The following CA10 variants were observed in gnomAD, a reference collection of about 807,000 sequenced individuals.
The protein encoded by CA10 is carbonic anhydrase-related protein 10.
In CA10, 14 loss-of-function variants were observed where a neutral mutation model predicts 44.2. That is an observed-to-expected ratio of 0.32 (90% CI 0.21 to 0.50). The LOEUF is 0.50. CA10 is among the 20% of genes least tolerant of loss of function. The probability of loss-of-function intolerance (pLI) is 0.99; values close to 1 mark genes in which losing one functional copy is unlikely to be tolerated. For missense variants in CA10, 350 were observed against 409.7 expected, an observed-to-expected ratio of 0.85 and a Z score of 1.26; for synonymous variants, 159 against 141.6, an observed-to-expected ratio of 1.12 and a Z score of -0.87.
At chr17:51,727,536 G>A (rs1159876730) in intron 4 of CA10, among the ~76,000 whole-genome samples, 1 of 152,096 alleles carries the variant, frequency 6.6e-6, no homozygotes, top group African/African-American at 2.4e-5. Context: ...TGTGGGTCCT[G>A]GGCTAAGCTG....
At chr17:52,144,479 C>G (rs894113677) in intron 1 of CA10, among the ~76,000 whole-genome samples, 10 of 152,002 alleles carry the variant, frequency 6.6e-5, no homozygotes, top group African/African-American at 2.4e-4. Flanking sequence ...CAGTTGTAAA[C>G]TAAAAATATG....
intron 3 of CA10, among the ~76,000 whole-genome samples, chr17:51,906,327 T>G (rs1159958729): frequency 6.6e-6 from 1 of 152,124 alleles, no homozygotes; most frequent in Non-Finnish European, 1.5e-5. Context: ...GATTTCTGTC[T>G]TGCTAAATCA....
intron 2 of CA10, among the ~76,000 whole-genome samples, chr17:52,019,843 T>G (rs1986080150): frequency 6.6e-6 from 1 of 152,042 alleles, no homozygotes; most frequent in Non-Finnish European, 1.5e-5. Context: ...GGAATACATT[T>G]GGGAATTTCC....
At chr17:51,842,446 A>G (rs1598075891) in intron 3 of CA10, among the ~76,000 whole-genome samples, 1 of 152,192 alleles carries the variant, frequency 6.6e-6, no homozygotes, top group Admixed American at 6.5e-5. Flanking sequence ...CTGTTTATCC[A>G]TTAAACACTA....
chr17:52,102,893 C>G (rs1343411406), intron 1 of CA10, among the ~76,000 whole-genome samples: 1 of 152,180 alleles, frequency 6.6e-6, no homozygotes, highest in Non-Finnish European at 1.5e-5. Flanking sequence ...TGTCATCCCA[C>G]ATATATTCTT....
At chr17:52,143,647 T>C (rs1362983294) in intron 1 of CA10, among the ~76,000 whole-genome samples, 1 of 152,218 alleles carries the variant, frequency 6.6e-6, no homozygotes, top group Admixed American at 6.5e-5. Context: ...ATTAAATCAC[T>C]GGGACCTAAA....
intron 2 of CA10, among the ~76,000 whole-genome samples, chr17:52,070,138 GA>G (rs1239387513): frequency 1.3e-5 from 2 of 152,104 alleles, no homozygotes; most frequent in Non-Finnish European, 2.9e-5. Flanking sequence ...TTAGAAAGTG[GA>G]ATCATCAGAT....
intron 2 of CA10, among the ~76,000 whole-genome samples, chr17:52,027,688 A>G (rs1209933995): frequency 6.6e-6 from 1 of 152,162 alleles, no homozygotes; most frequent in African/African-American, 2.4e-5. Context: ...GCAGACCCTC[A>G]TTCACTTTTT....
chr17:52,043,376 G>T (rs1474105696), intron 2 of CA10, among the ~76,000 whole-genome samples: 1 of 151,122 alleles, frequency 6.6e-6, no homozygotes, highest in Non-Finnish European at 1.5e-5. Context: ...TGCATATTTT[G>T]TTGCTAATGT....
At chr17:51,797,575 G>A (rs1462663674) in intron 3 of CA10, among the ~76,000 whole-genome samples, 2 of 152,108 alleles carry the variant, frequency 1.3e-5, no homozygotes, top group Admixed American at 6.5e-5. Flanking sequence ...AAAGGAAGAG[G>A]CCAGGCGCAG....
At chr17:51,932,367 T>C (rs541436649) in intron 2 of CA10, among the ~76,000 whole-genome samples, 1 of 152,240 alleles carries the variant, frequency 6.6e-6, no homozygotes, top group East Asian at 1.9e-4. Flanking sequence ...TTCTTGCCTA[T>C]AGCATAGATG....
intron 1 of CA10, among the ~76,000 whole-genome samples, chr17:52,087,134 G>GTAAT (rs895063137): frequency 8.5e-5 from 13 of 152,058 alleles, no homozygotes; most frequent in Non-Finnish European, 5.9e-5. Flanking sequence ...ACCTTTTCTT[G>GTAAT]TAATTAATTA....
chr17:52,079,531 T>TG (rs145640808), intron 1 of CA10, among the ~76,000 whole-genome samples: 1,530 of 152,160 alleles, frequency 0.01, 30 homozygotes, highest in African/African-American at 0.035. Flanking sequence ...ATTGGGTGAA[T>TG]GCCTGATAAA....
chr17:51,928,216 T>C (rs945671376), intron 3 of CA10, among the ~76,000 whole-genome samples: 9 of 152,182 alleles, frequency 5.9e-5, no homozygotes, highest in Non-Finnish European at 8.8e-5. Context: ...GGTAATTATA[T>C]ACAATATTTT....
intron 2 of CA10, among the ~76,000 whole-genome samples, chr17:52,039,557 T>C (rs1053913845): frequency 6.6e-6 from 1 of 152,082 alleles, no homozygotes; most frequent in Non-Finnish European, 1.5e-5. Flanking sequence ...AATAAATGGG[T>C]TTTAAATTAC....
chr17:51,844,778 CTAAT>C (rs1978416771), intron 3 of CA10, among the ~76,000 whole-genome samples: 1 of 152,084 alleles, frequency 6.6e-6, no homozygotes, highest in Non-Finnish European at 1.5e-5. Context: ...CGACTTAGTG[CTAAT>C]TAATAAAACA....
intron 4 of CA10, among the ~76,000 whole-genome samples, chr17:51,659,739 A>T (rs936101793): frequency 3.9e-5 from 6 of 152,260 alleles, no homozygotes; most frequent in African/African-American, 1.4e-4. Flanking sequence ...TCTATGAGTT[A>T]GTGCCATTAT....
chr17:51,905,671 G>A (rs1190145645), intron 3 of CA10, among the ~76,000 whole-genome samples: 1 of 151,472 alleles, frequency 6.6e-6, no homozygotes, highest in Non-Finnish European at 1.5e-5. Context: ...AATGAATCTG[G>A]ATAAAGATAT....
chr17:51,885,792 T>C (rs949825959), intron 3 of CA10, among the ~76,000 whole-genome samples: 2 of 152,224 alleles, frequency 1.3e-5, no homozygotes, highest in East Asian at 3.8e-4. Context: ...TATCCAGTGC[T>C]TGGACTGTAA....
Sources: allele counts gnomAD v4.1 joint callset (sites outside exome capture counted in the v4.1 genomes callset), GRCh38; gene constraint gnomAD v4.1.1; transcripts MANE v1.5; gene names NCBI Gene and HGNC (gene_info 2026-07-23, HGNC 2026-07-21).